SIPA1L2: variants seen among roughly 807,000 people sequenced by gnomAD.
SIPA1L2 encodes the protein signal-induced proliferation-associated 1-like protein 2.
Under a neutral mutation model 163.9 loss-of-function variants are expected in SIPA1L2, and 56 were observed. The observed-to-expected ratio is 0.34, with a 90% CI of 0.28 to 0.43. The LOEUF (loss-of-function observed/expected upper bound fraction) is 0.43. Ranked by LOEUF, SIPA1L2 falls within the 20% of genes least tolerant of loss-of-function variation. The probability of loss-of-function intolerance (pLI) is 1.00; values close to 1 mark genes in which losing one functional copy is unlikely to be tolerated. For missense variants in SIPA1L2, 1,974 were observed against 2,193.5 expected (o/e 0.90, Z 2.00); for synonymous variants, 877 against 865.7 (o/e 1.01, Z -0.23).
At chr1:232,482,804 G>A (rs1235909644) in intron 6 of SIPA1L2, among the ~76,000 whole-genome samples, 1 of 152,166 alleles carries the variant, frequency 6.6e-6, no homozygotes, top group Non-Finnish European at 1.5e-5. Flanking sequence ...CACGGCATCA[G>A]GCCACCTCAG....
At chr1:232,594,636 T>G (rs1211194303) in intron 1 of SIPA1L2, among the ~76,000 whole-genome samples, 1 of 152,150 alleles carries the variant, frequency 6.6e-6, no homozygotes, top group Non-Finnish European at 1.5e-5. Flanking sequence ...CCAGCCTCTT[T>G]CTAGCTATTC....
intron 2 of SIPA1L2, among the ~76,000 whole-genome samples, chr1:232,539,513 C>T (rs551908358): frequency 1.3e-5 from 2 of 152,274 alleles, no homozygotes; most frequent in East Asian, 3.9e-4. Flanking sequence ...TTCAATTCTG[C>T]ACTCCCCCGA....
intron 15 of SIPA1L2, among the ~76,000 whole-genome samples, chr1:232,433,723 A>G (rs1238323053): frequency 1.3e-5 from 2 of 151,970 alleles, no homozygotes; most frequent in East Asian, 1.9e-4. Flanking sequence ...ATGAAAAACA[A>G]AAGTTACTTT....
At chr1:232,590,199 A>G (rs1456709105) in intron 1 of SIPA1L2, among the ~76,000 whole-genome samples, 1 of 152,154 alleles carries the variant, frequency 6.6e-6, no homozygotes, top group African/African-American at 2.4e-5. Context: ...CAATTCCCAC[A>G]GTCTCTCACC....
intron 1 of SIPA1L2, among the ~76,000 whole-genome samples, chr1:232,589,529 T>C (rs1395295302): frequency 6.6e-6 from 1 of 152,248 alleles, no homozygotes; most frequent in African/African-American, 2.4e-5. Context: ...CAATCTCACT[T>C]CTCTTGTACC....
chr1:232,514,997 G>C lies in SIPA1L2; in HGVS notation c.343C>G (p.Gln115Glu), dbSNP rs202004619. The change falls in exon 3 of 23, where the codon CAG (glutamine) becomes GAG (glutamate). Residue 115 changes from glutamine to glutamate, a missense_variant. This residue lies in a region of SIPA1L2 where 607 missense variants were observed against 624.0 expected (regional missense o/e 0.97). Coordinates refer to ENST00000674635, the MANE Select transcript of SIPA1L2 (RefSeq NM_020808.5). The part of the protein sequence containing the change: ...TSYESITSVL[Q>E]NGQSDQSEGQ... ...TCACTCTGGTCACTCTGCCCATTCT[G>C]CAGGACAGAAGTGATGCTTTCATAA... 81 of 1,614,168 alleles carry C rather than the reference G, an allele frequency of 5.0e-5. No homozygotes were observed. The Admixed American group carries it at 1.3e-3, about 26-fold the overall frequency.
chr1:232,437,949 C>CA (rs1306453143), intron 15 of SIPA1L2, among the ~76,000 whole-genome samples: 4 of 152,198 alleles, frequency 2.6e-5, no homozygotes, highest in African/African-American at 9.6e-5. Flanking sequence ...TGGTCCTGGG[C>CA]AGTATCATTT....
intron 13 of SIPA1L2, 22 bp from the exon 14 acceptor site, chr1:232,441,416 G>A (rs760024622): frequency 6.4e-7 from 1 of 1,574,194 alleles, no homozygotes; most frequent in Non-Finnish European, 8.7e-7. Flanking sequence ...AAAGAGAGGA[G>A]TTGAATTTCC....
intron 3 of SIPA1L2, among the ~76,000 whole-genome samples, chr1:232,513,495 T>G (rs1056640612): frequency 2.0e-5 from 3 of 152,152 alleles, no homozygotes; most frequent in African/African-American, 7.2e-5. Context: ...TAAGAGATTA[T>G]TCAGAGGAAT....
chr1:232,479,514 T>C (rs1164496776), intron 7 of SIPA1L2, 113 bp downstream of exon 7: 5 of 825,450 alleles, frequency 6.1e-6, no homozygotes, highest in Non-Finnish European at 1.0e-5. Flanking sequence ...TTAATGCTAT[T>C]CAAGAAAAAC....
chr1:232,432,598 C>G (rs1662317788), intron 15 of SIPA1L2, 127 bp from the exon 16 acceptor site: 1 of 763,452 alleles, frequency 1.3e-6, no homozygotes, highest in Non-Finnish European at 2.1e-6. Flanking sequence ...CCCAGTGAGG[C>G]AGATGGAGCC....
chr1:232,534,485 T>C (rs1286901675), intron 2 of SIPA1L2, among the ~76,000 whole-genome samples: 1 of 152,212 alleles, frequency 6.6e-6, no homozygotes, highest in Non-Finnish European at 1.5e-5. Flanking sequence ...TTGGCAATGA[T>C]TGCTTGAATA....
chr1:232,453,211 T>C (rs981601643), intron 10 of SIPA1L2, among the ~76,000 whole-genome samples: 1 of 152,120 alleles, frequency 6.6e-6, no homozygotes, highest in Non-Finnish European at 1.5e-5. Context: ...TACGCTACTA[T>C]GAAACTAAGA....
At chr1:232,599,212 C>A (rs1340606802) in intron 1 of SIPA1L2, among the ~76,000 whole-genome samples, 1 of 152,128 alleles carries the variant, frequency 6.6e-6, no homozygotes, top group East Asian at 1.9e-4. Context: ...TTTAAAAAAA[C>A]AAACAAACAG....
chr1:232,422,477 G>C (rs1449876571), intron 18 of SIPA1L2, among the ~76,000 whole-genome samples: 1 of 151,938 alleles, frequency 6.6e-6, no homozygotes, highest in East Asian at 1.9e-4. Flanking sequence ...GCAGAGATTA[G>C]GTCTTCCAAT....
intron 2 of SIPA1L2, among the ~76,000 whole-genome samples, chr1:232,565,758 C>A (rs1367082936): frequency 6.6e-6 from 1 of 152,154 alleles, no homozygotes; most frequent in South Asian, 2.1e-4. Context: ...AACTGGGTGA[C>A]TGCAGGGCCT....
chr1:232,435,200 C>T (rs937397309), intron 15 of SIPA1L2, among the ~76,000 whole-genome samples: 7 of 152,212 alleles, frequency 4.6e-5, no homozygotes, highest in African/African-American at 1.7e-4. Flanking sequence ...TTAAAATGAC[C>T]AAAGCGTATA....
rs771646256 is a variant in SIPA1L2 at position 232,439,232 on chromosome 1, C to T, written c.3907G>A (p.Val1303Ile). Residue 1303 changes from valine to isoleucine, a missense_variant, in exon 15 of 23, where the codon GTC becomes ATC. By Grantham distance (29) the Val-to-Ile change is conservative. Transcript: ENST00000674635. ...GCTGGCTCGTCGTCAGGCCCAGAGA[C>T]GTCGGCAGCATCAGCCCACTGCTCG... ...RAEQWADAAD[V>I]SGPDDEPAKL... is the part of the protein sequence containing the mutation. 30 of 1,613,844 alleles carry T rather than the reference C, an allele frequency of 1.9e-5. No homozygotes were observed. The East Asian group carries it at 4.2e-4, about 23-fold the overall frequency.
intron 2 of SIPA1L2, among the ~76,000 whole-genome samples, chr1:232,543,356 A>G (rs147147880): frequency 6.4e-4 from 97 of 152,196 alleles, no homozygotes; most frequent in African/African-American, 2.2e-3. Flanking sequence ...ACTTATACAC[A>G]TATTTTTTTC....
Sources: gnomAD v4.1 joint callset for allele counts (sites outside exome capture counted in the v4.1 genomes callset) on GRCh38, gnomAD v4.1.1 for gene constraint, gnomAD v4.1.1 regional missense constraint, MANE v1.5 for transcripts, NCBI Gene and HGNC (gene_info 2026-07-23, HGNC 2026-07-21) for gene names.